The following WDR7 variants were observed in gnomAD, a reference collection of about 807,000 sequenced individuals.
WDR7 encodes the protein WD repeat domain 7, also known as WD repeat-containing protein 7.
A neutral mutation model predicts 169.4 loss-of-function variants in WDR7; 46 were observed. That is an observed-to-expected ratio of 0.27 (90% CI 0.21 to 0.35). The LOEUF (loss-of-function observed/expected upper bound fraction) is 0.35. Among genes scored for constraint, WDR7 ranks in the 10% least tolerant of loss-of-function variants. The probability of loss-of-function intolerance (pLI) is 1.00; values close to 1 mark genes in which losing one functional copy is unlikely to be tolerated. For synonymous variants in WDR7, 612 were observed against 666.8 expected (o/e 0.92, Z 1.27); for missense variants, 1,534 against 1,859.3 (o/e 0.83, Z 3.22).
intron 19 of WDR7, among the ~76,000 whole-genome samples, chr18:56,794,545 G>A (rs776184481): frequency 5.3e-5 from 8 of 151,792 alleles, no homozygotes; most frequent in Non-Finnish European, 7.4e-5. Context: ...TCCTGACCTT[G>A]TGATCTGCCT....
At chr18:56,942,040 T>C (rs775157461) in intron 25 of WDR7, among the ~76,000 whole-genome samples, 2 of 152,184 alleles carry the variant, frequency 1.3e-5, no homozygotes, top group Admixed American at 6.5e-5. Flanking sequence ...CCCTGCTTTG[T>C]TATCAGTCGC....
At chr18:56,771,707 C>T (rs955196131) in intron 16 of WDR7, among the ~76,000 whole-genome samples, 1 of 151,662 alleles carries the variant, frequency 6.6e-6, no homozygotes, top group Non-Finnish European at 1.5e-5. Context: ...CTTGGAGAAA[C>T]CCCATCTCTA....
chr18:56,725,306 C>A (rs947160660), intron 13 of WDR7, among the ~76,000 whole-genome samples: 5 of 151,042 alleles, frequency 3.3e-5, no homozygotes, highest in African/African-American at 1.2e-4. Context: ...ACATCCTCTC[C>A]AGCACCTGTT....
intron 8 of WDR7, 126 bp from the exon 9 acceptor site, chr18:56,691,589 C>T: frequency 4.6e-6 from 4 of 863,430 alleles, no homozygotes; most frequent in East Asian, 3.1e-5. Flanking sequence ...AATTTAATGC[C>T]TGCATTAAAT....
At chr18:56,847,705 A>G (rs2045587179) in intron 20 of WDR7, among the ~76,000 whole-genome samples, 1 of 152,192 alleles carries the variant, frequency 6.6e-6, no homozygotes, top group Admixed American at 6.5e-5. Context: ...TTCTCCCCAT[A>G]TCCCAGCCAC....
intron 1 of WDR7, among the ~76,000 whole-genome samples, chr18:56,660,251 A>G (rs1259083873): frequency 6.6e-6 from 1 of 152,172 alleles, no homozygotes; most frequent in African/African-American, 2.4e-5. Flanking sequence ...CTTATTAGCT[A>G]TCCAAAAGGA....
chr18:56,702,960 A>G (rs1408836468), intron 12 of WDR7, among the ~76,000 whole-genome samples: 1 of 152,244 alleles, frequency 6.6e-6, no homozygotes, highest in African/African-American at 2.4e-5. Flanking sequence ...GCCGAAAAAT[A>G]AACTGTTTAG....
intron 26 of WDR7, among the ~76,000 whole-genome samples, chr18:56,996,259 CTTT>C (rs1423978925): frequency 6.6e-6 from 1 of 151,904 alleles, no homozygotes; most frequent in African/African-American, 2.4e-5. Flanking sequence ...TTCTTTTTTT[CTTT>C]TTTCTTTTTT....
chr18:56,957,924 A>G (rs867338426), intron 25 of WDR7, among the ~76,000 whole-genome samples: 1 of 152,276 alleles, frequency 6.6e-6, no homozygotes, highest in Non-Finnish European at 1.5e-5. Flanking sequence ...AAGTGATTTT[A>G]CAGGTTTCTA....
At chr18:56,866,581 A>C (rs1407083296) in intron 20 of WDR7, among the ~76,000 whole-genome samples, 3 of 152,074 alleles carry the variant, frequency 2.0e-5, no homozygotes, top group African/African-American at 7.2e-5. Context: ...CATTGGATTA[A>C]GTATTAGATA....
chr18:56,847,300 A>G (rs1260461153), intron 20 of WDR7, among the ~76,000 whole-genome samples: 3 of 152,182 alleles, frequency 2.0e-5, no homozygotes, highest in Non-Finnish European at 4.4e-5. Flanking sequence ...GGCCAAAGAA[A>G]TGTCTAAGTT....
intron 1 of WDR7, among the ~76,000 whole-genome samples, chr18:56,663,182 A>G (rs1461778497): frequency 1.3e-5 from 2 of 152,214 alleles, no homozygotes; most frequent in African/African-American, 2.4e-5. Context: ...TTTAACCTTT[A>G]TCACCTTCTC....
chr18:56,944,730 T>C (rs1365762059), intron 25 of WDR7, among the ~76,000 whole-genome samples: 1 of 152,208 alleles, frequency 6.6e-6, no homozygotes, highest in Non-Finnish European at 1.5e-5. Flanking sequence ...AGACATTCTT[T>C]CTATATCACT....
intron 20 of WDR7, among the ~76,000 whole-genome samples, chr18:56,824,145 T>C (rs975211781): frequency 2.6e-5 from 4 of 152,236 alleles, no homozygotes; most frequent in African/African-American, 9.6e-5. Flanking sequence ...TATTTTGTGA[T>C]TCATACTTTG....
At chr18:56,946,192 A>T (rs1189096513) in intron 25 of WDR7, among the ~76,000 whole-genome samples, 1 of 152,154 alleles carries the variant, frequency 6.6e-6, no homozygotes, top group Non-Finnish European at 1.5e-5. Context: ...CAAGAGCTGC[A>T]TGTTTGGCCT....
chr18:56,880,311 T>A (rs2046088025), intron 21 of WDR7, 146 bp downstream of exon 21: 1 of 722,744 alleles, frequency 1.4e-6, no homozygotes, highest in Non-Finnish European at 2.3e-6. Context: ...TCTGGCACAT[T>A]TCCCGTTAGT....
intron 25 of WDR7, among the ~76,000 whole-genome samples, chr18:56,959,182 G>A (rs1413077156): frequency 6.6e-6 from 1 of 152,004 alleles, no homozygotes; most frequent in Admixed American, 6.6e-5. Context: ...CAAGCAGAGG[G>A]AGCAGCAACT....
At chr18:56,706,969 T>G (rs1479613990) in intron 12 of WDR7, among the ~76,000 whole-genome samples, 1 of 136,538 alleles carries the variant, frequency 7.3e-6, no homozygotes, top group African/African-American at 2.7e-5. Flanking sequence ...CATGAGCCAC[T>G]GTGCCCCGCC....
intron 12 of WDR7, among the ~76,000 whole-genome samples, chr18:56,706,498 G>A (rs540237001): frequency 1.3e-5 from 2 of 152,258 alleles, no homozygotes; most frequent in African/African-American, 2.4e-5. Context: ...CACAATTTCT[G>A]TGAAGTGTTG....
Sources: gnomAD v4.1 joint callset for allele counts (sites outside exome capture counted in the v4.1 genomes callset) on GRCh38, gnomAD v4.1.1 for gene constraint, MANE v1.5 for transcripts, NCBI Gene and HGNC (gene_info 2026-07-23, HGNC 2026-07-21) for gene names.